PIWIL4: variants seen among roughly 807,000 people sequenced by gnomAD.
The protein encoded by PIWIL4 is piwi like RNA-mediated gene silencing 4.
In PIWIL4, 50 loss-of-function variants were observed where a neutral mutation model predicts 100.9. The ratio of observed to expected loss-of-function variants is 0.50; its 90% CI spans 0.39 to 0.63. The LOEUF (loss-of-function observed/expected upper bound fraction) is 0.63. Among genes scored for constraint, PIWIL4 ranks in the 20% least tolerant of loss-of-function variants. The pLI is 0.00. For synonymous variants in PIWIL4, 342 were observed against 367.5 expected (o/e 0.93, Z 0.79); for missense variants, 887 against 1,043.3 (o/e 0.85, Z 2.06).
At position 94,589,186 on chromosome 11, in the gene PIWIL4, A is replaced by G. The variant is rs11020845; in HGVS notation, c.980A>G (p.Gln327Arg). The G allele has an allele frequency of 6.2e-7, 1 of 1,610,178 alleles. No individual in the cohort carries two copies. Among genetic ancestry groups the G allele is most frequent in the Non-Finnish European group, 8.5e-7 (1 of 1,176,940 alleles). Reference sequence around the variant, plus strand: ...TCAGTGAAGCCCACACACACCTTTCAGAAGCGGGATGGCACCGAGATCACC... The same window carrying G: ...TCAGTGAAGCCCACACACACCTTTCGGAAGCGGGATGGCACCGAGATCACC... ...DWSVKPTHTF[Q>R]KRDGTEITYV... The change falls in exon 8 of 20, where the codon CAG (glutamine) becomes CGG (arginine). Residue 327 changes from glutamine (Q) to arginine (R), a missense_variant. Transcript: ENST00000299001.
At position 94,585,435 on chromosome 11, in the gene PIWIL4, A is replaced by G. The variant is rs761476413; in HGVS notation, c.636-10A>G. ...ATATTTACCAAAAATTCAAAAAAAT[A>G]TACTTGCAGGATCCTCAAAAAGTTG... is the stretch of plus-strand genomic sequence containing the variant. On this transcript the variant is annotated splice_polypyrimidine_tract_variant and intron_variant, in intron 5 of 19. Coordinates refer to ENST00000299001, the MANE Select transcript of PIWIL4 (RefSeq NM_152431.3). 45 of 1,599,496 alleles carry G rather than the reference A, an allele frequency of 2.8e-5. No individual in the cohort carries two copies. Among genetic ancestry groups the G allele is most frequent in the Admixed American group, 8.7e-5 (5 of 57,484 alleles).
At chr11:94,592,630 T>A (rs10831247) in intron 8 of PIWIL4, among the ~76,000 whole-genome samples, 10,964 of 152,278 alleles carry the variant, frequency 0.072, 783 homozygotes, top group African/African-American at 0.18. Context: ...TGACTTCTTT[T>A]ATTGTGATTA....
intron 11 of PIWIL4, among the ~76,000 whole-genome samples, chr11:94,599,146 C>T (rs939546279): frequency 2.6e-5 from 4 of 152,130 alleles, no homozygotes; most frequent in Admixed American, 6.5e-5. Context: ...AGGATCTTGG[C>T]GAGAGTTCAG....
chr11:94,567,776 G>C, intron 1 of PIWIL4, 171 bp downstream of exon 1: 1 of 1,248,974 alleles, frequency 8.0e-7, no homozygotes, highest in Non-Finnish European at 1.0e-6. Context: ...TCTCCTTCTA[G>C]GGATCTTGTC....
chr11:94,601,655 T>G (rs1224152742), intron 11 of PIWIL4, 140 bp from the exon 12 acceptor site: 7 of 791,152 alleles, frequency 8.8e-6, no homozygotes, highest in Non-Finnish European at 1.3e-5. Flanking sequence ...GGATGTGCAG[T>G]GCCTGCATCT....
chr11:94,620,789 T>A, intron 19 of PIWIL4, 87 bp from the exon 20 acceptor site: 2 of 969,470 alleles, frequency 2.1e-6, no homozygotes, highest in Non-Finnish European at 3.2e-6. Flanking sequence ...ATTATCTGTG[T>A]AACCAGTAGA....
chr11:94,590,562 A>G (rs1484033232), intron 8 of PIWIL4, among the ~76,000 whole-genome samples: 1 of 152,104 alleles, frequency 6.6e-6, no homozygotes, highest in Non-Finnish European at 1.5e-5. Context: ...TCCAGAACAT[A>G]TTTGCATGAA....
intron 6 of PIWIL4, among the ~76,000 whole-genome samples, chr11:94,586,790 G>C (rs377034745): frequency 8.5e-5 from 13 of 152,108 alleles, no homozygotes; most frequent in East Asian, 3.9e-4. Flanking sequence ...CCCTAACAAA[G>C]AATTATCCAG....
chr11:94,613,253 G>A (rs1383307359), intron 15 of PIWIL4, among the ~76,000 whole-genome samples: 4 of 152,144 alleles, frequency 2.6e-5, no homozygotes, highest in Admixed American at 2.0e-4. Context: ...TAGATCAGTA[G>A]TTTTTTCTTT....
chr11:94,612,888 A>C (rs949846150), intron 15 of PIWIL4, among the ~76,000 whole-genome samples: 2 of 152,030 alleles, frequency 1.3e-5, no homozygotes, highest in African/African-American at 4.8e-5. Flanking sequence ...ATATGCATTA[A>C]TTATATTGTG....
chr11:94,606,146 C>A (rs1403164065), intron 13 of PIWIL4, among the ~76,000 whole-genome samples: 1 of 152,058 alleles, frequency 6.6e-6, no homozygotes, highest in African/African-American at 2.4e-5. Context: ...TCCTGTTATT[C>A]CCCGCATACC....
Position 94,621,297 on chromosome 11 carries a change from C to A in PIWIL4, c.*305C>A. On this transcript the variant is annotated 3_prime_UTR_variant, in exon 20 of 20. Coordinates refer to ENST00000299001, the MANE Select transcript of PIWIL4 (RefSeq NM_152431.3). ...GTTAAACACTTAAAATAAGTGTTTG[C>A]GTGATATTTTGATGACAGATAAACA... 3.9e-6 allele frequency: 1 copy of A among 256,850 alleles called. No individual in the cohort carries two copies. Among genetic ancestry groups the A allele is most frequent in the Non-Finnish European group, 7.4e-6 (1 of 134,398 alleles). 15.9% of individuals were successfully genotyped at this position (256,850 alleles called of 1,614,324 possible). A position where few individuals can be genotyped will look rare whatever the true frequency, so the allele number is the denominator to read the frequency against.
intron 11 of PIWIL4, among the ~76,000 whole-genome samples, chr11:94,599,986 G>A (rs1317943465): frequency 6.6e-6 from 1 of 152,134 alleles, no homozygotes; most frequent in Non-Finnish European, 1.5e-5. Flanking sequence ...AGTAACACTT[G>A]ACAGCACTTC....
rs144054318 is a variant in PIWIL4 at position 94,619,570 on chromosome 11, C to T, written c.2169-190C>T. On this transcript the variant is annotated intron_variant, in intron 17 of 19. Coordinates refer to ENST00000299001, the MANE Select transcript of PIWIL4 (RefSeq NM_152431.3). Reference sequence around the variant, plus strand: ...GGATAGCATCCTTTTGCAACAAATACGGACAATCCCTAATTTAAAAAATTG... The same window carrying T: ...GGATAGCATCCTTTTGCAACAAATATGGACAATCCCTAATTTAAAAAATTG... 1.1e-3 allele frequency among the ~76,000 whole-genome samples: 167 copies of T among 152,228 alleles called. 1 individual carries two copies. The highest frequency in any genetic ancestry group is 4.6e-3 in the South Asian group (22 of 4,820).
intron 14 of PIWIL4, among the ~76,000 whole-genome samples, chr11:94,607,973 C>T (rs1948742955): frequency 6.6e-6 from 1 of 152,126 alleles, no homozygotes; most frequent in African/African-American, 2.4e-5. Context: ...ATGGGGCCTC[C>T]CCAGAGCCTG....
chr11:94,587,988 C>T (rs1948427059), intron 7 of PIWIL4, among the ~76,000 whole-genome samples: 1 of 152,140 alleles, frequency 6.6e-6, no homozygotes, highest in Non-Finnish European at 1.5e-5. Flanking sequence ...GATATATGTG[C>T]AGGATGTGCA....
intron 4 of PIWIL4, among the ~76,000 whole-genome samples, chr11:94,578,659 G>A (rs192975690): frequency 6.6e-6 from 1 of 152,272 alleles, no homozygotes; most frequent in East Asian, 1.9e-4. Flanking sequence ...TTTGATGTCT[G>A]TTCTGGCTTC....
Position 94,567,484 on chromosome 11 carries a change from G to A in PIWIL4, c.-35G>A. 6.6e-7 allele frequency: 1 copy of A among 1,506,048 alleles called. No homozygotes were observed. Among genetic ancestry groups the A allele is most frequent in the South Asian group, 1.2e-5 (1 of 80,158 alleles). The allele number at this position is 1,506,048 out of a possible 1,614,324, so 93.3% of individuals were successfully genotyped here. ...CAAAACATATCCTAACTGAGACTTT[G>A]CAGCTCTTGTGGCCACTCTGGGCTC... On this transcript the variant is annotated 5_prime_UTR_variant, in exon 1 of 20. Coordinates refer to ENST00000299001, the MANE Select transcript of PIWIL4 (RefSeq NM_152431.3).
At chr11:94,585,068 A>G (rs1948379929) in intron 5 of PIWIL4, among the ~76,000 whole-genome samples, 1 of 152,204 alleles carries the variant, frequency 6.6e-6, no homozygotes, top group South Asian at 2.1e-4. Context: ...TCCATTTCAA[A>G]AAAAGAAAAA....
Sources: gnomAD v4.1 joint callset for allele counts (sites outside exome capture counted in the v4.1 genomes callset) on GRCh38, gnomAD v4.1.1 for gene constraint, MANE v1.5 for transcripts, NCBI Gene and HGNC (gene_info 2026-07-23, HGNC 2026-07-21) for gene names.